SYNPR: variants seen among roughly 807,000 people sequenced by gnomAD.
SYNPR encodes synaptoporin.
In SYNPR, 23 loss-of-function variants were observed where a neutral mutation model predicts 32.9. The ratio of observed to expected loss-of-function variants is 0.70; its 90% CI spans 0.50 to 0.99. The LOEUF (loss-of-function observed/expected upper bound fraction) is 0.99, where lower values mean the gene tolerates loss of function less well. SYNPR is among the 50% of genes least tolerant of loss of function. The probability of loss-of-function intolerance (pLI) is 0.00; values close to 1 mark genes in which losing one functional copy is unlikely to be tolerated. For synonymous variants in SYNPR, 146 were observed against 135.9 expected, an observed-to-expected ratio of 1.07 and a Z score of -0.52; for missense variants, 318 against 349.3, an observed-to-expected ratio of 0.91 and a Z score of 0.71.
chr3:63,350,956 T>A (rs2087499405), intron 2 of SYNPR, among the ~76,000 whole-genome samples: 1 of 152,220 alleles, frequency 6.6e-6, no homozygotes, highest in Non-Finnish European at 1.5e-5. Flanking sequence ...CAATGAGGAA[T>A]CTGACCCTCA....
intron 2 of SYNPR, among the ~76,000 whole-genome samples, chr3:63,331,962 G>A (rs1388552404): frequency 6.6e-6 from 1 of 152,066 alleles, no homozygotes; most frequent in Non-Finnish European, 1.5e-5. Context: ...TGAAAATGAT[G>A]GGATTAAAAA....
At chr3:63,330,219 G>C (rs1423977634) in intron 2 of SYNPR, 1 of 152,116 alleles carries the variant, frequency 6.6e-6, no homozygotes, top group East Asian at 1.9e-4. Context: ...GACTGGGTCA[G>C]TTTCCTCTAG....
intron 2 of SYNPR, among the ~76,000 whole-genome samples, chr3:63,458,825 A>G (rs1010751754): frequency 6.6e-6 from 1 of 152,118 alleles, no homozygotes; most frequent in African/African-American, 2.4e-5. Flanking sequence ...TCTTCAAAAC[A>G]GGCCTAACTA....
At chr3:63,398,505 G>T (rs905735697) in intron 2 of SYNPR, among the ~76,000 whole-genome samples, 2 of 151,776 alleles carry the variant, frequency 1.3e-5, no homozygotes, top group African/African-American at 2.4e-5. Context: ...CAGATCACGA[G>T]GTCAGGAGAT....
intron 1 of SYNPR, among the ~76,000 whole-genome samples, chr3:63,237,690 T>C (rs2086209864): frequency 6.6e-6 from 1 of 152,154 alleles, no homozygotes; most frequent in South Asian, 2.1e-4. Context: ...TTATCACATT[T>C]AAGTTTAATA....
chr3:63,495,987 T>C (rs1701367292), intron 3 of SYNPR, among the ~76,000 whole-genome samples: 1 of 152,080 alleles, frequency 6.6e-6, no homozygotes, highest in South Asian at 2.1e-4. Flanking sequence ...TGTTGATTAA[T>C]TGCAACAGAT....
chr3:63,429,922 C>T (rs1057038482), intron 2 of SYNPR, among the ~76,000 whole-genome samples: 1 of 152,186 alleles, frequency 6.6e-6, no homozygotes, highest in African/African-American at 2.4e-5. Context: ...GAAAAACCAA[C>T]CTTATTAGGA....
In SYNPR at chr3:63,616,017, A is replaced by G. The variant is rs1484518777; in HGVS notation, c.*536A>G. 1 of 152,256 alleles carries G rather than the reference A, an allele frequency of 6.6e-6. No individual in the cohort carries two copies. The highest frequency in any genetic ancestry group is 2.4e-5 in the African/African-American group (1 of 41,456). 9.4% of individuals were successfully genotyped at this position (152,256 alleles called of 1,614,324 possible). A position where few individuals can be genotyped will look rare whatever the true frequency, so the allele number is the denominator to read the frequency against. ...AATCATATGATTTAAGTGCATGAAT[A>G]AGCATTTTCCCACACAATGAACATT... On this transcript the variant is annotated 3_prime_UTR_variant, in exon 6 of 6. Coordinates refer to ENST00000478300, the MANE Select transcript of SYNPR (RefSeq NM_001130003.2).
chr3:63,267,106 TA>T (rs2086496946), intron 2 of SYNPR, among the ~76,000 whole-genome samples: 1 of 152,300 alleles, frequency 6.6e-6, no homozygotes, highest in South Asian at 2.1e-4. Context: ...CCTATAGGCA[TA>T]AAAATGGAGC....
intron 2 of SYNPR, among the ~76,000 whole-genome samples, chr3:63,413,943 G>A (rs1158062596): frequency 6.6e-6 from 1 of 151,764 alleles, no homozygotes; most frequent in Non-Finnish European, 1.5e-5. Context: ...TATTTTCTTA[G>A]TAACAGTTGG....
intron 2 of SYNPR, among the ~76,000 whole-genome samples, chr3:63,474,070 C>G (rs1282282238): frequency 6.6e-6 from 1 of 152,150 alleles, no homozygotes; most frequent in Non-Finnish European, 1.5e-5. Flanking sequence ...GGAAGGAAAG[C>G]CAGCCAACGA....
intron 2 of SYNPR, among the ~76,000 whole-genome samples, chr3:63,298,085 G>T (rs534440135): frequency 1.4e-4 from 21 of 152,182 alleles, no homozygotes; most frequent in Non-Finnish European, 2.6e-4. Context: ...CAGAATTCAG[G>T]CCCCTCCCAT....
At chr3:63,248,189 C>A (rs2086305855) in intron 1 of SYNPR, among the ~76,000 whole-genome samples, 1 of 152,072 alleles carries the variant, frequency 6.6e-6, no homozygotes, top group South Asian at 2.1e-4. Context: ...CATCAGACCC[C>A]CAAAACCTGT....
intron 1 of SYNPR, among the ~76,000 whole-genome samples, chr3:63,245,741 ATGTGTGTGTG>A (rs61623224): frequency 1.2e-5 from 1 of 86,872 alleles, no homozygotes; most frequent in African/African-American, 3.4e-5. Context: ...GTGTGTGTGT[ATGTGTGTGTG>A]TGTGTGTGTG....
At chr3:63,256,402 G>C (rs1188244322) in intron 2 of SYNPR, among the ~76,000 whole-genome samples, 1 of 152,188 alleles carries the variant, frequency 6.6e-6, no homozygotes, top group African/African-American at 2.4e-5. Flanking sequence ...AGCAACATTT[G>C]CTGTTCACCA....
chr3:63,601,934 T>A (rs1559548451), intron 4 of SYNPR, among the ~76,000 whole-genome samples: 1 of 152,226 alleles, frequency 6.6e-6, no homozygotes, highest in Non-Finnish European at 1.5e-5. Flanking sequence ...GTTGAACTAG[T>A]TTACGCTCCT....
chr3:63,410,745 G>T (rs1271001152), intron 2 of SYNPR, among the ~76,000 whole-genome samples: 1 of 152,112 alleles, frequency 6.6e-6, no homozygotes, highest in East Asian at 1.9e-4. Flanking sequence ...ACCCCCACTA[G>T]ACTTCAGTTC....
chr3:63,240,101 T>C (rs1019433287), intron 1 of SYNPR, among the ~76,000 whole-genome samples: 12 of 152,098 alleles, frequency 7.9e-5, no homozygotes, highest in African/African-American at 2.7e-4. Flanking sequence ...TTGTATCTTA[T>C]CTCCTTACTC....
intron 2 of SYNPR, among the ~76,000 whole-genome samples, chr3:63,358,481 G>C (rs9851735): frequency 2.5e-3 from 386 of 152,264 alleles, no homozygotes; most frequent in African/African-American, 8.7e-3. Flanking sequence ...GGATAAGCCA[G>C]AATCATCTCT....
Sources: gnomAD v4.1 joint callset for allele counts (sites outside exome capture counted in the v4.1 genomes callset) on GRCh38, gnomAD v4.1.1 for gene constraint, MANE v1.5 for transcripts, NCBI Gene and HGNC (gene_info 2026-07-23, HGNC 2026-07-21) for gene names.